The following POLE2 variants were observed in gnomAD, a reference collection of about 807,000 sequenced individuals.
POLE2 encodes DNA polymerase epsilon 2, accessory subunit, also known as DNA polymerase epsilon subunit 2.
Under a neutral mutation model 79.4 loss-of-function variants are expected in POLE2, and 56 were observed. The observed-to-expected ratio is 0.71, with a 90% confidence interval of 0.57 to 0.88. The LOEUF is 0.88. Ranked by LOEUF, POLE2 falls within the 40% of genes least tolerant of loss-of-function variation. The probability of loss-of-function intolerance (pLI) is 0.00; values close to 1 mark genes in which losing one functional copy is unlikely to be tolerated. For missense variants in POLE2, 598 were observed against 638.9 expected, an observed-to-expected ratio of 0.94 and a Z score of 0.69; for synonymous variants, 212 against 214.0, an observed-to-expected ratio of 0.99 and a Z score of 0.08.
intron 15 of POLE2, among the ~76,000 whole-genome samples, chr14:49,653,556 C>T (rs1374164971): frequency 1.3e-5 from 2 of 152,120 alleles, no homozygotes; most frequent in Non-Finnish European, 2.9e-5. Context: ...AATAAATTTT[C>T]TTCTTATATT....
intron 18 of POLE2, among the ~76,000 whole-genome samples, chr14:49,644,434 C>G (rs1393760382): frequency 6.6e-6 from 1 of 150,528 alleles, no homozygotes; most frequent in Non-Finnish European, 1.5e-5. Flanking sequence ...CTCTTGAACC[C>G]AGAAGGCGGA....
In POLE2 at chr14:49,654,808, C is replaced by T. The variant is rs201728008; in HGVS notation, c.1049G>A (p.Cys350Tyr). The stretch of plus-strand genomic sequence containing the variant: ...CCTTTGGTGAATATCTGGGTATTCA[C>T]ATATTATATCTGCCAAAGTTTTTAG... ...DSLKTLADII[C>Y]EYPDIHQSSR... is the part of the protein sequence containing the mutation. The change falls in exon 13 of 19, where the codon TGT becomes TAT. Residue 350 changes from cysteine (C) to tyrosine (Y), a missense_variant. Physicochemically the swap from Cys to Tyr is radical, Grantham distance 194. Coordinates refer to ENST00000216367, the MANE Select transcript of POLE2 (RefSeq NM_002692.4). 62 of 1,482,698 alleles carry T rather than the reference C, an allele frequency of 4.2e-5. No individual in the cohort carries two copies. In the Middle Eastern group the frequency reaches 7.2e-4, roughly 17 times the overall value. 91.8% of individuals were successfully genotyped at this position (1,482,698 alleles called of 1,614,324 possible).
chr14:49,654,269 T>C (rs1884488220), intron 13 of POLE2, 55 bp from the exon 14 acceptor site: 4 of 1,182,060 alleles, frequency 3.4e-6, no homozygotes, highest in East Asian at 4.8e-5. Flanking sequence ...CACTATCCAA[T>C]AGCTTAAAAG....
intron 10 of POLE2, among the ~76,000 whole-genome samples, chr14:49,658,297 C>G (rs1040908832): frequency 6.6e-6 from 1 of 152,016 alleles, no homozygotes. Flanking sequence ...AGGATGGTCT[C>G]GATCTCCTGA....
chr14:49,644,693 T>G (rs1275515336), intron 18 of POLE2, among the ~76,000 whole-genome samples: 4 of 152,114 alleles, frequency 2.6e-5, no homozygotes, highest in African/African-American at 9.7e-5. Flanking sequence ...AAGTTCTGAA[T>G]AAGTACAAAT....
chr14:49,663,339 G>T lies in POLE2; in HGVS notation c.731C>A (p.Pro244His). Residue 244 changes from proline to histidine, a missense_variant, in exon 10 of 19, where the codon CCC becomes CAC. Coordinates refer to ENST00000216367, the MANE Select transcript of POLE2 (RefSeq NM_002692.4). Reference sequence around the variant, plus strand: ...CCTAGTAGTACTAGAGGGCTCAGTGGGTGGAAATCCAAAGGCATTGACATG... The same window carrying T: ...CCTAGTAGTACTAGAGGGCTCAGTGTGTGGAAATCCAAAGGCATTGACATG... Reference protein sequence around the residue: ...VFHVNAFGFPPTEPSSTTRAY... With the variant: ...VFHVNAFGFPHTEPSSTTRAY... 1 of 1,607,552 alleles carries T rather than the reference G, an allele frequency of 6.2e-7. No individual in the cohort carries two copies. The highest frequency in any genetic ancestry group is 8.5e-7 in the Non-Finnish European group (1 of 1,175,374).
chr14:49,665,003 A>C, intron 8 of POLE2, 104 bp downstream of exon 8: 1 of 681,456 alleles, frequency 1.5e-6, no homozygotes, highest in Non-Finnish European at 2.6e-6. Context: ...AACATAGAGA[A>C]GTTACATTGA....
chr14:49,655,561 T>TAA, intron 11 of POLE2, 110 bp downstream of exon 11: 1 of 754,472 alleles, frequency 1.3e-6, no homozygotes, highest in Admixed American at 2.9e-5. Flanking sequence ...CATTGCTAAC[T>TAA]CTGTTTTTTT....
intron 2 of POLE2, among the ~76,000 whole-genome samples, chr14:49,682,208 T>C (rs749362037): frequency 4.3e-4 from 65 of 151,342 alleles, no homozygotes; most frequent in Non-Finnish European, 2.1e-4. Context: ...TTTGCCATGT[T>C]GTCCAGGCTG....
Position 49,647,860 on chromosome 14 carries a change from C to T in POLE2, c.1498-500G>A, listed in dbSNP as rs143785858. 3.3e-3 allele frequency among the ~76,000 whole-genome samples: 506 copies of T among 152,262 alleles called. 2 individuals carry two copies. The highest frequency in any genetic ancestry group is 4.0e-3 in the Non-Finnish European group (271 of 68,016). On this transcript the variant is annotated intron_variant, in intron 17 of 18. Coordinates refer to ENST00000216367, the MANE Select transcript of POLE2 (RefSeq NM_002692.4). ...TAAAGTAACACAACAGATTTTTACA[C>T]GATCTTTTTACAGAGTTGTTACTAT...
chr14:49,664,041 G>GAA (rs35626789), intron 9 of POLE2, among the ~76,000 whole-genome samples: 1 of 116,892 alleles, frequency 8.6e-6, no homozygotes, highest in Non-Finnish European at 1.8e-5. Context: ...CATCTCAAAA[G>GAA]AAAAAAAAAA....
intron 18 of POLE2, chr14:49,646,860 G>A (rs1883813521): frequency 6.5e-6 from 1 of 154,002 alleles, no homozygotes; most frequent in Non-Finnish European, 1.4e-5. Context: ...TACCCACTAG[G>A]TGATTATTTT....
chr14:49,688,190 C>G lies in POLE2; in HGVS notation c.14G>C (p.Arg5Pro), dbSNP rs1887311329. MAPE[R>P]LRSRALSAFK... ...GGCGGAGAGCGCCCGGCTCCGCAGC[C>G]GCTCCGGCGCCATATTTGCGATTTG... The change falls in exon 1 of 19, where the codon CGG becomes CCG. Residue 5 changes from arginine to proline, a missense_variant. Arg to Pro is a moderately radical substitution (Grantham distance 103). Transcript: ENST00000216367. 3 of 1,533,960 alleles carry G rather than the reference C, an allele frequency of 2.0e-6. No individual in the cohort carries two copies. The highest frequency in any genetic ancestry group is 2.6e-6 in the Non-Finnish European group (3 of 1,142,028).
chr14:49,672,010 C>T (rs935216615), intron 5 of POLE2, among the ~76,000 whole-genome samples: 8 of 152,070 alleles, frequency 5.3e-5, no homozygotes, highest in African/African-American at 1.7e-4. Flanking sequence ...TCAAGACAGG[C>T]TCCAGAAAGG....
intron 10 of POLE2, among the ~76,000 whole-genome samples, chr14:49,657,112 C>CA (rs35156256): frequency 0.11 from 12,922 of 122,922 alleles, 606 homozygotes; most frequent in East Asian, 0.18. Context: ...GATTTTGCCT[C>CA]AAAAAAAAAA....
chr14:49,673,307 G>A (rs998548402), intron 5 of POLE2, among the ~76,000 whole-genome samples: 6 of 152,094 alleles, frequency 3.9e-5, no homozygotes, highest in South Asian at 2.1e-4. Context: ...GAGTTTCTCT[G>A]GTATTCCAAA....
intron 3 of POLE2, 75 bp from the exon 4 acceptor site, chr14:49,674,502 TTA>T: frequency 1.2e-6 from 1 of 841,772 alleles, no homozygotes; most frequent in South Asian, 1.5e-5. Flanking sequence ...ATAACTTGCA[TTA>T]TAAGTATTTG....
intron 18 of POLE2, among the ~76,000 whole-genome samples, chr14:49,643,875 C>CTTTTTTTTTTTTTTTTTTTTTTTT: frequency 1.9e-5 from 1 of 53,206 alleles, no homozygotes. Flanking sequence ...AAATGTATGT[C>CTTTTTTTTTTTTTTTTTTTTTTTT]TTTTTTTTTT....
In POLE2 at chr14:49,664,980, T is replaced by G. The variant is rs1176025043; in HGVS notation, c.633+127A>C. Reference sequence around the variant, plus strand: ...CCCTGTTTAGGATTATATCTCTACATTCCTACACCAGCAACATAGAGAAGT... The same window carrying G: ...CCCTGTTTAGGATTATATCTCTACAGTCCTACACCAGCAACATAGAGAAGT... On this transcript the variant is annotated intron_variant, in intron 8 of 18. Transcript: ENST00000216367. 3 of 667,316 alleles carry G rather than the reference T, an allele frequency of 4.5e-6. No individual in the cohort carries two copies. In the African/African-American group the frequency reaches 5.5e-5, roughly 12 times the overall value. 41.3% of individuals were successfully genotyped at this position (667,316 alleles called of 1,614,324 possible).
Sources: allele counts gnomAD v4.1 joint callset (sites outside exome capture counted in the v4.1 genomes callset), GRCh38; gene constraint gnomAD v4.1.1; transcripts MANE v1.5; gene names NCBI Gene and HGNC (gene_info 2026-07-23, HGNC 2026-07-21).